The following IL1RAP variants were observed in gnomAD, a reference collection of about 807,000 sequenced individuals.
IL1RAP encodes the protein interleukin-1 receptor accessory protein.
A neutral mutation model predicts 60.7 loss-of-function variants in IL1RAP; 35 were observed. That is an observed-to-expected ratio of 0.58 (90% confidence interval 0.44 to 0.76). The LOEUF is 0.76. Ranked by LOEUF, IL1RAP falls within the 30% of genes least tolerant of loss-of-function variation. IL1RAP has a pLI of 0.00. For synonymous variants in IL1RAP, 268 were observed against 250.9 expected (o/e 1.07, Z -0.64); for missense variants, 572 against 693.9 (o/e 0.82, Z 1.97).
rs752856011 is a variant in IL1RAP at position 190,556,129 on chromosome 3, G to T, written c.-88-1G>T. ...TCAACTTTTTCATTTTGTTTACATA[G>T]GCATCGTCATGTGATCATCACCTAA... On this transcript the variant is annotated splice_acceptor_variant, in intron 1 of 11. Transcript: ENST00000447382. LOFTEE classifies it low-confidence loss of function (5UTR_SPLICE). 5.9e-5 allele frequency: 9 copies of T among 152,000 alleles called. No individual in the cohort carries two copies. Among genetic ancestry groups the T allele is most frequent in the Admixed American group, 1.3e-4 (2 of 15,256 alleles). 9.4% of individuals were successfully genotyped at this position (152,000 alleles called of 1,614,324 possible). A position where few individuals can be genotyped will look rare whatever the true frequency, so the allele number is the denominator to read the frequency against.
intron 3 of IL1RAP, among the ~76,000 whole-genome samples, chr3:190,568,198 T>C (rs1393833477): frequency 1.3e-5 from 2 of 152,154 alleles, no homozygotes; most frequent in East Asian, 3.9e-4. Context: ...GTGTGCCAGG[T>C]GCAGGGCTGG....
intron 9 of IL1RAP, among the ~76,000 whole-genome samples, chr3:190,637,473 C>T (rs1037862574): frequency 6.6e-6 from 1 of 152,110 alleles, no homozygotes; most frequent in African/African-American, 2.4e-5. Context: ...TGCTTTATCA[C>T]ATGTCTATTC....
At chr3:190,645,907 A>T (rs529676727) in intron 11 of IL1RAP, 65 bp downstream of exon 11, 2 of 1,402,546 alleles carry the variant, frequency 1.4e-6, no homozygotes, top group East Asian at 4.6e-5. Context: ...TTAGTTTTGC[A>T]TTATGGGAGA....
At chr3:190,590,525 G>T (rs1234162927) in intron 3 of IL1RAP, among the ~76,000 whole-genome samples, 1 of 152,132 alleles carries the variant, frequency 6.6e-6, no homozygotes, top group Non-Finnish European at 1.5e-5. Context: ...AAAATGCTGG[G>T]ATTACAAGGT....
At chr3:190,639,188 G>A (rs917954365) in intron 9 of IL1RAP, among the ~76,000 whole-genome samples, 8 of 151,908 alleles carry the variant, frequency 5.3e-5, no homozygotes, top group African/African-American at 1.2e-4. Context: ...ACAATTTTCA[G>A]CCATTTTCTT....
At chr3:190,616,596 C>A (rs1321872024) in intron 5 of IL1RAP, among the ~76,000 whole-genome samples, 2 of 152,138 alleles carry the variant, frequency 1.3e-5, no homozygotes, top group African/African-American at 4.8e-5. Flanking sequence ...TTTATACCAA[C>A]TTTATCTTGA....
chr3:190,533,064 A>T (rs951129715), intron 1 of IL1RAP, among the ~76,000 whole-genome samples: 5 of 152,174 alleles, frequency 3.3e-5, no homozygotes, highest in African/African-American at 4.8e-5. Flanking sequence ...AGTAAGTTCC[A>T]TGACGTTATG....
chr3:190,639,212 A>C (rs1733464547), intron 9 of IL1RAP, among the ~76,000 whole-genome samples: 1 of 152,070 alleles, frequency 6.6e-6, no homozygotes, highest in Non-Finnish European at 1.5e-5. Context: ...AAATATGTCT[A>C]GCTTTCCCCC....
In IL1RAP at chr3:190,577,100, C is replaced by CCA. The variant is rs758048637; in HGVS notation, c.64+12747_64+12748insCA. 3.5e-5 allele frequency among the ~76,000 whole-genome samples: 3 copies of CCA among 86,536 alleles called. No individual in the cohort carries two copies. The East Asian group carries it at 9.2e-4, about 27-fold the overall frequency. 56.8% of individuals were successfully genotyped at this position (86,536 alleles called of 152,430 possible). ...TGGGCGACAGAGCGAGACTCCGTCT[C>CCA]AAAAAAAAAAAAAAAAAAAAAGGAT... is the stretch of plus-strand genomic sequence containing the variant. On this transcript the variant is annotated intron_variant, in intron 3 of 11. Coordinates refer to ENST00000447382, the MANE Select transcript of IL1RAP (RefSeq NM_002182.4).
In IL1RAP at chr3:190,551,255, T is replaced by A. The variant is rs2108589595; in HGVS notation, c.-88-4875T>A. ...ATTGGCTCTGCAAGTTGAGCTTGAC[T>A]CCTTAAAGGGGAGCATATTCTTCAG... is the stretch of plus-strand genomic sequence containing the variant. On this transcript the variant is annotated intron_variant, in intron 1 of 11. Coordinates refer to ENST00000447382, the MANE Select transcript of IL1RAP (RefSeq NM_002182.4). 1.3e-5 allele frequency among the ~76,000 whole-genome samples: 2 copies of A among 152,366 alleles called. 1 individual carries two copies. The highest frequency in any genetic ancestry group is 3.9e-4 in the East Asian group (2 of 5,184).
At chr3:190,640,981 T>C (rs964222812) in intron 9 of IL1RAP, among the ~76,000 whole-genome samples, 1 of 152,226 alleles carries the variant, frequency 6.6e-6, no homozygotes, top group African/African-American at 2.4e-5. Context: ...TTTTATTTTT[T>C]TGAGACAGAG....
chr3:190,549,644 G>A (rs1724689987), intron 1 of IL1RAP, among the ~76,000 whole-genome samples: 1 of 152,178 alleles, frequency 6.6e-6, no homozygotes, highest in South Asian at 2.1e-4. Flanking sequence ...GAGGCCAAAA[G>A]CCTGATTGGT....
rs369990646 is a variant in IL1RAP at position 190,549,992 on chromosome 3, C to T, written c.-88-6138C>T. Among the ~76,000 whole-genome samples the T allele has an allele frequency of 7.6e-4, 116 of 152,220 alleles. 1 individual carries two copies. In the Middle Eastern group the frequency reaches 0.027, roughly 36 times the overall value. Reference sequence around the variant, plus strand: ...CTCTTCCTAGCAAATACCTGGGGTGCGTGAGGGAGAGAAGGAAGAGTGTCC... The same window carrying T: ...CTCTTCCTAGCAAATACCTGGGGTGTGTGAGGGAGAGAAGGAAGAGTGTCC... On this transcript the variant is annotated intron_variant, in intron 1 of 11. Coordinates refer to ENST00000447382, the MANE Select transcript of IL1RAP (RefSeq NM_002182.4).
chr3:190,578,610 C>T (rs1202650476), intron 3 of IL1RAP, among the ~76,000 whole-genome samples: 1 of 152,200 alleles, frequency 6.6e-6, no homozygotes, highest in East Asian at 1.9e-4. Flanking sequence ...AAATTAGCAA[C>T]TCCCCACTTT....
At chr3:190,549,980 A>G (rs1724720894) in intron 1 of IL1RAP, among the ~76,000 whole-genome samples, 1 of 152,132 alleles carries the variant, frequency 6.6e-6, no homozygotes, top group South Asian at 2.1e-4. Context: ...TTCCTAGCAA[A>G]TACCTGGGGT....
intron 3 of IL1RAP, among the ~76,000 whole-genome samples, chr3:190,570,396 C>A (rs1726806346): frequency 6.6e-6 from 1 of 152,214 alleles, no homozygotes; most frequent in Non-Finnish European, 1.5e-5. Flanking sequence ...TGTTTTATGA[C>A]ATTCATTTCT....
chr3:190,606,402 A>G (rs1473119575), intron 4 of IL1RAP, among the ~76,000 whole-genome samples: 2 of 152,216 alleles, frequency 1.3e-5, no homozygotes, highest in African/African-American at 4.8e-5. Flanking sequence ...GTTGGCATAC[A>G]TGCTTGATGA....
At chr3:190,653,681 C>T (rs1734502455), downstream of IL1RAP, among the ~76,000 whole-genome samples, 1 of 152,054 alleles carries the variant, frequency 6.6e-6, no homozygotes, top group South Asian at 2.1e-4. Context: ...AACATGACTT[C>T]AAAGCCAATT....
intron 3 of IL1RAP, among the ~76,000 whole-genome samples, chr3:190,572,114 C>T (rs1726981269): frequency 6.6e-6 from 1 of 152,066 alleles, no homozygotes; most frequent in African/African-American, 2.4e-5. Context: ...CAAAAACCTA[C>T]TAGCTTTAAA....
Sources: gnomAD v4.1 joint callset for allele counts (sites outside exome capture counted in the v4.1 genomes callset) on GRCh38, gnomAD v4.1.1 for gene constraint, MANE v1.5 for transcripts, NCBI Gene and HGNC (gene_info 2026-07-23, HGNC 2026-07-21) for gene names.